The following PRICKLE2 variants were observed in gnomAD, a reference collection of about 807,000 sequenced individuals.
The protein encoded by PRICKLE2 is prickle-like protein 2.
In PRICKLE2, 21 loss-of-function variants were observed where a neutral mutation model predicts 81.4. That is an observed-to-expected ratio of 0.26 (90% confidence interval 0.18 to 0.37). The LOEUF (loss-of-function observed/expected upper bound fraction) is 0.37, where lower values mean the gene tolerates loss of function less well. Among genes scored for constraint, PRICKLE2 ranks in the 10% least tolerant of loss-of-function variants. The pLI, the probability that PRICKLE2 is intolerant of heterozygous loss-of-function variation, is 1.00. For missense variants in PRICKLE2, 940 were observed against 1,109.0 expected, an observed-to-expected ratio of 0.85 and a Z score of 2.16; for synonymous variants, 456 against 421.5, an observed-to-expected ratio of 1.08 and a Z score of -1.00.
intron 7 of PRICKLE2, among the ~76,000 whole-genome samples, chr3:64,123,780 T>C (rs1315992731): frequency 6.6e-6 from 1 of 152,200 alleles, no homozygotes; most frequent in East Asian, 1.9e-4. Flanking sequence ...AAATGTTGTA[T>C]GTGTGTGTGT....
intron 1 of PRICKLE2, chr3:64,200,607 C>A (rs908409773): frequency 2.0e-5 from 3 of 151,784 alleles, no homozygotes; most frequent in African/African-American, 7.3e-5. Context: ...CAGGGGCATG[C>A]CACCACGCCT....
chr3:64,175,433 T>A (rs1368252854), intron 2 of PRICKLE2, among the ~76,000 whole-genome samples: 2 of 152,202 alleles, frequency 1.3e-5, no homozygotes, highest in Non-Finnish European at 2.9e-5. Context: ...GTGTCTTCAG[T>A]GGAAACACTC....
intron 4 of PRICKLE2, among the ~76,000 whole-genome samples, chr3:64,159,517 C>T (rs1449151443): frequency 6.6e-6 from 1 of 152,196 alleles, no homozygotes; most frequent in African/African-American, 2.4e-5. Context: ...CACTGTTGAA[C>T]ATAATAGACA....
At chr3:64,140,532 G>A (rs1449170858) in intron 7 of PRICKLE2, among the ~76,000 whole-genome samples, 2 of 152,078 alleles carry the variant, frequency 1.3e-5, no homozygotes, top group African/African-American at 2.4e-5. Flanking sequence ...CTTCACCAGG[G>A]ACCAGCTCAC....
At chr3:64,165,372 G>C (rs183601631) in intron 2 of PRICKLE2, among the ~76,000 whole-genome samples, 2 of 152,310 alleles carry the variant, frequency 1.3e-5, no homozygotes, top group African/African-American at 4.8e-5. Flanking sequence ...TCCTGAGCAA[G>C]TTATGTGGCT....
In PRICKLE2 at chr3:64,147,024, T is replaced by C. The variant is rs369195483; in HGVS notation, c.1466A>G (p.Gln489Arg). The C allele has an allele frequency of 6.2e-7, 1 of 1,614,060 alleles. No individual in the cohort carries two copies. Among genetic ancestry groups the C allele is most frequent in the African/African-American group, 1.3e-5 (1 of 74,922 alleles). ...GCTGCCTCGGGTCTCACTGAAACTC[T>C]GACTAGACATATCACTGTAGCTCTC... ...SQESYSDMSS[Q>R]SFSETRGSIQ... The change falls in exon 7 of 8, where the codon CAG (glutamine) becomes CGG (arginine). Residue 489 changes from glutamine to arginine, a missense_variant. Gln to Arg is a conservative substitution (Grantham distance 43). Transcript: ENST00000638394. The surrounding 1 kb of genome is among the most constrained non-coding windows in gnomAD (Gnocchi z 5.0).
intron 7 of PRICKLE2, among the ~76,000 whole-genome samples, chr3:64,140,231 A>G (rs1392886225): frequency 1.3e-5 from 2 of 152,226 alleles, no homozygotes; most frequent in African/African-American, 2.4e-5. Context: ...CCGTTGCCCA[A>G]GGTCACAGAG....
intron 6 of PRICKLE2, among the ~76,000 whole-genome samples, chr3:64,148,346 A>G (rs1183509281): frequency 1.3e-5 from 2 of 152,200 alleles, no homozygotes; most frequent in African/African-American, 2.4e-5. Flanking sequence ...TAGCATTAAT[A>G]CCGCTTTACA....
intron 2 of PRICKLE2, among the ~76,000 whole-genome samples, chr3:64,267,031 T>C (rs1055690591): frequency 1.3e-5 from 2 of 151,934 alleles, no homozygotes; most frequent in Non-Finnish European, 2.9e-5. Context: ...TGGGGGGAGC[T>C]GAAACCTCAT....
At chr3:64,131,555 C>T (rs1235676469) in intron 7 of PRICKLE2, among the ~76,000 whole-genome samples, 2 of 152,182 alleles carry the variant, frequency 1.3e-5, no homozygotes, top group African/African-American at 4.8e-5. Context: ...AGGTTTTGTG[C>T]TTTAATCAGA....
intron 2 of PRICKLE2, among the ~76,000 whole-genome samples, chr3:64,239,565 G>A (rs2079231405): frequency 6.6e-6 from 1 of 152,104 alleles, no homozygotes; most frequent in Non-Finnish European, 1.5e-5. Context: ...GACTCTCTAA[G>A]ATAATTGCTA....
intron 2 of PRICKLE2, among the ~76,000 whole-genome samples, chr3:64,169,822 G>A (rs1054736438): frequency 6.6e-6 from 1 of 152,282 alleles, no homozygotes; most frequent in East Asian, 1.9e-4. Context: ...CTCAATTCGG[G>A]GAGGTAATAT....
In PRICKLE2 at chr3:64,093,478, C is replaced by G. The variant is rs1220281395; in HGVS notation, c.*5573G>C. On this transcript the variant is annotated 3_prime_UTR_variant, in exon 8 of 8. Coordinates refer to ENST00000638394, the MANE Select transcript of PRICKLE2 (RefSeq NM_198859.4). ...GCACTACATCATTTTACATTCCCAC[C>G]AACAGTGTACAAGTGTTCCAATTGC... 6.6e-6 allele frequency: 1 copy of G among 152,164 alleles called. No individual in the cohort carries two copies. The highest frequency in any genetic ancestry group is 1.5e-5 in the Non-Finnish European group (1 of 68,044). 9.4% of individuals were successfully genotyped at this position (152,164 alleles called of 1,614,324 possible). A position where few individuals can be genotyped will look rare whatever the true frequency, so the allele number is the denominator to read the frequency against.
intron 2 of PRICKLE2, among the ~76,000 whole-genome samples, chr3:64,165,966 GTGTGTGTGTGTGTGTGTGTGTGT>G (rs2077823207): frequency 9.3e-4 from 113 of 121,354 alleles, no homozygotes; most frequent in Middle Eastern, 7.9e-3. Context: ...TTATAAAGGT[GTGTGTGTGTGTGTGTGTGTGTGT>G]GTGTGTGTGT....
At chr3:64,246,073 C>A (rs545282129) in intron 2 of PRICKLE2, among the ~76,000 whole-genome samples, 1 of 152,010 alleles carries the variant, frequency 6.6e-6, no homozygotes, top group African/African-American at 2.4e-5. Context: ...GGCAAAACCC[C>A]TCTGCAAAAA....
At chr3:64,160,746 G>T (rs1461515237) in intron 3 of PRICKLE2, among the ~76,000 whole-genome samples, 1 of 152,142 alleles carries the variant, frequency 6.6e-6, no homozygotes, top group Admixed American at 6.6e-5. Flanking sequence ...GAAACTCAGA[G>T]AATTAAAGGA....
intron 5 of PRICKLE2, chr3:64,154,107 A>G (rs927720163): frequency 2.0e-5 from 3 of 152,370 alleles, no homozygotes; most frequent in African/African-American, 7.2e-5. Flanking sequence ...TCATACATAC[A>G]TGGTCAATTA....
At position 64,099,237 on chromosome 3, in the gene PRICKLE2, C is replaced by G. The variant is rs1281130151; in HGVS notation, c.2349G>C (p.Glu783Asp). Residue 783 changes from glutamate to aspartate, a missense_variant, in exon 8 of 8, where the codon GAG becomes GAC. By Grantham distance (45) the Glu-to-Asp change is conservative. This residue lies in a region of PRICKLE2 where 670 missense variants were observed against 717.2 expected (regional missense o/e 0.93). Coordinates refer to ENST00000638394, the MANE Select transcript of PRICKLE2 (RefSeq NM_198859.4). The surrounding 1 kb of genome is among the most constrained non-coding windows in gnomAD (Gnocchi z 4.3). ...DWCSTCSSSS[E>D]SDNEGYFLGE... ...CTAGGAAATAGCCCTCGTTGTCAGA[C>G]TCTGAAGAGGAGGAGCAGGTGGAAC... 3 of 1,614,200 alleles carry G rather than the reference C, an allele frequency of 1.9e-6. No individual in the cohort carries two copies. The highest frequency in any genetic ancestry group is 2.2e-5 in the East Asian group (1 of 44,866).
rs2076527982 is a variant in PRICKLE2 at position 64,093,271 on chromosome 3, C to T, written c.*5780G>A. ...ACACCTTGTTTACACATTCATCCAT[C>T]AGTGGACATTTGGGTTGCTCCCACT... On this transcript the variant is annotated 3_prime_UTR_variant, in exon 8 of 8. Coordinates refer to ENST00000638394, the MANE Select transcript of PRICKLE2 (RefSeq NM_198859.4). The T allele has an allele frequency of 6.6e-6, 1 of 152,532 alleles. No homozygotes were observed. Among genetic ancestry groups the T allele is most frequent in the Non-Finnish European group, 1.5e-5 (1 of 68,200 alleles). 9.4% of individuals were successfully genotyped at this position (152,532 alleles called of 1,614,324 possible). A position where few individuals can be genotyped will look rare whatever the true frequency, so the allele number is the denominator to read the frequency against.
Sources: allele counts gnomAD v4.1 joint callset (sites outside exome capture counted in the v4.1 genomes callset), GRCh38; gene constraint gnomAD v4.1.1; regional missense constraint gnomAD v4.1.1; non-coding constraint Gnocchi (gnomAD v3.1); transcripts MANE v1.5; gene names NCBI Gene and HGNC (gene_info 2026-07-23, HGNC 2026-07-21).